ADAM9: variants seen among roughly 807,000 people sequenced by gnomAD.
ADAM9 encodes the protein ADAM metallopeptidase domain 9.
ADAM9 carries 54 observed loss-of-function variants against 108.1 expected under a neutral mutation model. The ratio of observed to expected loss-of-function variants is 0.50; its 90% CI spans 0.40 to 0.63. The LOEUF is 0.63. Among genes scored for constraint, ADAM9 ranks in the 20% least tolerant of loss-of-function variants. The pLI, the probability that ADAM9 is intolerant of heterozygous loss-of-function variation, is 0.00. For synonymous variants in ADAM9, 316 were observed against 336.0 expected (o/e 0.94, Z 0.65); for missense variants, 830 against 997.7 (o/e 0.83, Z 2.26).
chr8:39,031,454 G>A (rs950864901), intron 11 of ADAM9, among the ~76,000 whole-genome samples: 3 of 152,144 alleles, frequency 2.0e-5, no homozygotes, highest in African/African-American at 7.2e-5. Flanking sequence ...CTTGAAGCTT[G>A]TGCATGCGTC....
At chr8:39,075,191 G>A (rs1270652798) in intron 15 of ADAM9, among the ~76,000 whole-genome samples, 1 of 152,100 alleles carries the variant, frequency 6.6e-6, no homozygotes, top group Non-Finnish European at 1.5e-5. Flanking sequence ...ACAGGCGTGA[G>A]CCACCGCGCC....
chr8:39,068,675 CAAAAAAAAAAAAAAAAAAAAAAA>C (rs562274321), intron 14 of ADAM9, among the ~76,000 whole-genome samples: 46 of 42,038 alleles, frequency 1.1e-3, no homozygotes, highest in African/African-American at 1.9e-3. Flanking sequence ...AACTTCTCCT[CAAAAAAAAAAAAAAAAAAAAAAA>C]AAAAAAAAAA....
At chr8:39,082,756 G>C (rs762762079) in intron 17 of ADAM9, 35 bp downstream of exon 17, 1 of 1,567,810 alleles carries the variant, frequency 6.4e-7, no homozygotes, top group East Asian at 2.2e-5. Context: ...GTTCCTGAAA[G>C]TAGTGCTAAA....
rs903300784 is a variant in ADAM9 at position 39,017,393 on chromosome 8, C to T, written c.585C>T (p.Pro195=). ...CAAAGGATGAAGAGGAAGAGCCTCCCAGCATGACTCAGCTACTTCGAGTAA... is the reference window on the plus strand; with the variant it reads ...CAAAGGATGAAGAGGAAGAGCCTCCTAGCATGACTCAGCTACTTCGAGTAA... ...ETAKDEEEEP[P]SMTQLLRRRR... Residue 195 remains proline, a synonymous_variant, in exon 6 of 22, where the codon CCC becomes CCT. Transcript: ENST00000487273. 1 of 1,614,010 alleles carries T rather than the reference C, an allele frequency of 6.2e-7. No individual in the cohort carries two copies. Among genetic ancestry groups the T allele is most frequent in the Non-Finnish European group, 8.5e-7 (1 of 1,179,966 alleles).
intron 18 of ADAM9, chr8:39,089,765 T>C (rs1013870790): frequency 2.5e-6 from 1 of 407,688 alleles, no homozygotes; most frequent in African/African-American, 2.0e-5. Flanking sequence ...ATGCTACCTT[T>C]TGTGTAAGAA....
At chr8:38,998,955 T>C (rs953377202) in intron 1 of ADAM9, among the ~76,000 whole-genome samples, 2 of 151,422 alleles carry the variant, frequency 1.3e-5, no homozygotes, top group African/African-American at 4.9e-5. Context: ...GCAGTGGAGG[T>C]TTTAAGTAGG....
chr8:39,100,744 A>C (rs944564793), intron 20 of ADAM9, among the ~76,000 whole-genome samples: 2 of 152,216 alleles, frequency 1.3e-5, no homozygotes, highest in African/African-American at 2.4e-5. Context: ...CTTCACCACC[A>C]CTGTGCATTC....
intron 16 of ADAM9, among the ~76,000 whole-genome samples, chr8:39,082,095 C>T (rs1839042499): frequency 6.6e-6 from 1 of 152,092 alleles, no homozygotes; most frequent in Non-Finnish European, 1.5e-5. Flanking sequence ...TTATTTTCAA[C>T]AGTGCTTTTA....
At chr8:39,054,721 A>G (rs1388215403) in intron 13 of ADAM9, 148 bp downstream of exon 13, 5 of 647,616 alleles carry the variant, frequency 7.7e-6, no homozygotes, top group Non-Finnish European at 1.3e-5. Flanking sequence ...CTTGTGTATA[A>G]TTTTAAAGCA....
At position 39,033,198 on chromosome 8, in the gene ADAM9, T is replaced by G. The variant is rs145238401; in HGVS notation, c.1130+6388T>G. ...GGGTCCTAATGTACATGATATTATGTTTTTAATTTCAAATTCTACTTGTTC... is the reference window on the plus strand; with the variant it reads ...GGGTCCTAATGTACATGATATTATGGTTTTAATTTCAAATTCTACTTGTTC... On this transcript the variant is annotated intron_variant, in intron 11 of 21. Transcript: ENST00000487273. Among the ~76,000 whole-genome samples, 1,228 of 152,330 alleles carry G rather than the reference T, an allele frequency of 8.1e-3. 13 individuals carry two copies. The highest frequency in any genetic ancestry group is 0.028 in the African/African-American group (1,145 of 41,570).
At chr8:39,090,255 C>A in intron 19 of ADAM9, 67 bp downstream of exon 19, 9 of 1,399,682 alleles carry the variant, frequency 6.4e-6, no homozygotes, top group Non-Finnish European at 6.9e-6. Flanking sequence ...GACAGAATCT[C>A]GACTTCCCTG....
chr8:39,014,635 T>A (rs1206898200), intron 4 of ADAM9: 1 of 698,964 alleles, frequency 1.4e-6, no homozygotes, highest in East Asian at 2.7e-5. Flanking sequence ...TTTGAGTGTT[T>A]TACAGTCCTT....
chr8:39,040,018 A>G (rs1837408952), intron 11 of ADAM9, among the ~76,000 whole-genome samples: 2 of 152,132 alleles, frequency 1.3e-5, no homozygotes, highest in Non-Finnish European at 1.5e-5. Flanking sequence ...CTTTTTTTCT[A>G]TACTCTCACT....
At chr8:39,017,879 C>G (rs1048966518) in intron 6 of ADAM9, among the ~76,000 whole-genome samples, 2 of 152,242 alleles carry the variant, frequency 1.3e-5, no homozygotes, top group Non-Finnish European at 2.9e-5. Context: ...AGGCATAAGC[C>G]ACTGCACCCA....
chr8:39,038,974 A>G (rs1056236740), intron 11 of ADAM9, among the ~76,000 whole-genome samples: 19 of 152,066 alleles, frequency 1.2e-4, no homozygotes, highest in Non-Finnish European at 2.2e-4. Flanking sequence ...TTTTTGGTCA[A>G]ACAGCAGTTA....
At position 39,032,859 on chromosome 8, in the gene ADAM9, A is replaced by T. The variant is rs80304266; in HGVS notation, c.1130+6049A>T. Among the ~76,000 whole-genome samples the T allele has an allele frequency of 1.5e-3, 230 of 152,356 alleles. 3 individuals are homozygous for T. The East Asian group carries it at 0.028, about 19-fold the overall frequency. Reference sequence around the variant, plus strand: ...AGAGTAAGTCTTGAAGTCAGGTAGCACCAGTCCTCCAACTTTGTTCTTCTT... The same window carrying T: ...AGAGTAAGTCTTGAAGTCAGGTAGCTCCAGTCCTCCAACTTTGTTCTTCTT... On this transcript the variant is annotated intron_variant, in intron 11 of 21. Coordinates refer to ENST00000487273, the MANE Select transcript of ADAM9 (RefSeq NM_003816.3).
chr8:39,077,232 G>A lies in ADAM9; in HGVS notation c.1702G>A (p.Ala568Thr). The A allele has an allele frequency of 6.2e-7, 1 of 1,613,934 alleles. No individual in the cohort carries two copies. The highest frequency in any genetic ancestry group is 1.1e-5 in the South Asian group (1 of 91,074). ...ATTATTTCTCTCTCTTTATAGGAAT[G>A]CTTTGTGTGGAAAGCTTCAGTGTGA... ...NEYKKCATGN[A>T]LCGKLQCENV... The change falls in exon 16 of 22, where the codon GCT becomes ACT. Residue 568 changes from alanine to threonine, a missense_variant. By Grantham distance (58) the Ala-to-Thr change is moderately conservative. Transcript: ENST00000487273.
intron 9 of ADAM9, among the ~76,000 whole-genome samples, chr8:39,024,856 G>A (rs533875748): frequency 6.6e-6 from 1 of 152,140 alleles, no homozygotes; most frequent in Non-Finnish European, 1.5e-5. Context: ...AAGCATTGGA[G>A]GTTGTGATTA....
chr8:39,008,300 A>T (rs983170103), intron 2 of ADAM9, among the ~76,000 whole-genome samples: 16 of 151,782 alleles, frequency 1.1e-4, no homozygotes, highest in African/African-American at 3.6e-4. Context: ...CCTTCTGAGT[A>T]GCTGGGACTA....
Sources: gnomAD v4.1 joint callset for allele counts (sites outside exome capture counted in the v4.1 genomes callset) on GRCh38, gnomAD v4.1.1 for gene constraint, MANE v1.5 for transcripts, NCBI Gene and HGNC (gene_info 2026-07-23, HGNC 2026-07-21) for gene names.